Variants in PRPF38B observed in about 807,000 individuals in gnomAD.
The protein encoded by PRPF38B is pre-mRNA-splicing factor 38B.
Under a neutral mutation model 67.2 loss-of-function variants are expected in PRPF38B, and 18 were observed. That is an observed-to-expected ratio of 0.27 (90% confidence interval 0.19 to 0.40). The LOEUF is 0.40. Among genes scored for constraint, PRPF38B ranks in the 10% least tolerant of loss-of-function variants. PRPF38B has a pLI of 1.00. For synonymous variants in PRPF38B, 246 were observed against 234.2 expected (o/e 1.05, Z -0.46); for missense variants, 544 against 684.9 (o/e 0.79, Z 2.30).
At chr1:108,695,181 AT>A (rs1659750582) in intron 1 of PRPF38B, among the ~76,000 whole-genome samples, 1 of 152,270 alleles carries the variant, frequency 6.6e-6, no homozygotes, top group African/African-American at 2.4e-5. Flanking sequence ...TCTTCAAGTA[AT>A]TTTCCTTAAT....
In PRPF38B at chr1:108,699,990, A is replaced by C. The variant is rs773644832; in HGVS notation, c.1611A>C (p.Lys537Asn). ...GTATAGAACAAGAGAGCCAAGAAAA[A>C]CAGCATAAAAACAAAGATGAGACTG... ...SQSIEQESQE[K>N]QHKNKDETV Residue 537 changes from lysine to asparagine, a missense_variant, in exon 6 of 6, where the codon AAA becomes AAC. Coordinates refer to ENST00000370025, the MANE Select transcript of PRPF38B (RefSeq NM_018061.4). 7.5e-6 allele frequency: 12 copies of C among 1,591,878 alleles called. No homozygotes were observed. The African/African-American group carries it at 1.4e-4, about 18-fold the overall frequency.
At chr1:108,692,944 C>A in intron 1 of PRPF38B, 77 bp downstream of exon 1, 2 of 1,516,338 alleles carry the variant, frequency 1.3e-6, no homozygotes, top group Non-Finnish European at 1.8e-6. Flanking sequence ...AAGGCGGCCC[C>A]CGAAATCTGA....
In PRPF38B at chr1:108,701,045, A is replaced by G. The variant is rs1660440927; in HGVS notation, c.*1025A>G. The G allele has an allele frequency of 6.6e-6, 1 of 152,658 alleles. No individual in the cohort carries two copies. The highest frequency in any genetic ancestry group is 6.5e-5 in the Admixed American group (1 of 15,288). The allele number at this position is 152,658 out of a possible 1,614,324, so 9.5% of individuals were successfully genotyped here. A position where few individuals can be genotyped will look rare whatever the true frequency, so the allele number is the denominator to read the frequency against. On this transcript the variant is annotated 3_prime_UTR_variant, in exon 6 of 6. Transcript: ENST00000370025. ...CTGTTTGAGTTTTTAAACTTAATCT[A>G]GAACAGAGGAGTATTAAAAGTAATG...
Position 108,692,463 on chromosome 1 carries a change from C to T in PRPF38B, c.-129C>T, listed in dbSNP as rs1274512301. 1 of 1,126,032 alleles carries T rather than the reference C, an allele frequency of 8.9e-7. No homozygotes were observed. Among genetic ancestry groups the T allele is most frequent in the Non-Finnish European group, 1.2e-6 (1 of 818,016 alleles). 69.8% of individuals were successfully genotyped at this position (1,126,032 alleles called of 1,614,324 possible). ...GGTGCCCTCTCTTGCCCAGCTGGGG[C>T]ACAGCGAGGCGGCCCCTTCTCCCGA... On this transcript the variant is annotated 5_prime_UTR_variant, in exon 1 of 6. Transcript: ENST00000370025.
Position 108,700,193 on chromosome 1 carries a change from G to T in PRPF38B, c.*173G>T. 2.6e-6 allele frequency: 3 copies of T among 1,145,390 alleles called. No homozygotes were observed. The highest frequency in any genetic ancestry group is 2.7e-5 in the East Asian group (1 of 36,700). The allele number at this position is 1,145,390 out of a possible 1,614,324, so 71.0% of individuals were successfully genotyped here. On this transcript the variant is annotated 3_prime_UTR_variant, in exon 6 of 6. Transcript: ENST00000370025. ...CTTTGTAATTCCATTTATTGCATTG[G>T]TGTTTTCACCCAATTGTTAAGTTTG...
At chr1:108,696,883 T>C (rs1211323001) in intron 4 of PRPF38B, 1 of 630,708 alleles carries the variant, frequency 1.6e-6, no homozygotes, top group East Asian at 2.9e-5. Context: ...GTTTTCTGAC[T>C]CCTAGTACAC....
rs1223008955 is a variant in PRPF38B, at chr1:108,693,004, G to T, written c.276+137G>T. On this transcript the variant is annotated intron_variant, in intron 1 of 5. Transcript: ENST00000370025. ...TTCGGCGGAGGGGTGGCTGCGGCCT[G>T]TAGTGTGTCTGGGAGGGGTCGGACT... The T allele has an allele frequency of 3.5e-6, 4 of 1,152,022 alleles. No homozygotes were observed. The East Asian group carries it at 1.0e-4, about 29-fold the overall frequency. 71.4% of individuals were successfully genotyped at this position (1,152,022 alleles called of 1,614,324 possible). A position where few individuals can be genotyped will look rare whatever the true frequency, so the allele number is the denominator to read the frequency against.
At position 108,702,816 on chromosome 1, in the gene PRPF38B, A is replaced by ATCCTC. The variant is rs1660645253; in HGVS notation, c.*2797_*2801dup. 1.3e-5 allele frequency among the ~76,000 whole-genome samples: 2 copies of ATCCTC among 152,210 alleles called. No individual in the cohort carries two copies. The highest frequency in any genetic ancestry group is 4.8e-5 in the African/African-American group (2 of 41,448). On this transcript the variant is annotated 3_prime_UTR_variant, in exon 6 of 6. Coordinates refer to ENST00000370025, the MANE Select transcript of PRPF38B (RefSeq NM_018061.4). ...AAATTTTTAATACAGCTTAATAAGC[A>ATCCTC]TCCTCCATCCAGTTTTTGTACTTAC...
rs141158374 is a variant in PRPF38B at position 108,701,873 on chromosome 1, A to G, written c.*1853A>G. 2.2e-4 allele frequency: 34 copies of G among 152,336 alleles called. No homozygotes were observed. The highest frequency in any genetic ancestry group is 8.2e-4 in the African/African-American group (34 of 41,586). 9.4% of individuals were successfully genotyped at this position (152,336 alleles called of 1,614,324 possible). ...ATTGAGCATCAAGTGAATTAGTGCT[A>G]TAGACACCCAGAAGTTAGAAAAACC... On this transcript the variant is annotated 3_prime_UTR_variant, in exon 6 of 6. Coordinates refer to ENST00000370025, the MANE Select transcript of PRPF38B (RefSeq NM_018061.4).
At chr1:108,694,764 T>TA (rs58665405) in intron 1 of PRPF38B, among the ~76,000 whole-genome samples, 1,574 of 151,368 alleles carry the variant, frequency 0.01, 17 homozygotes, top group Non-Finnish European at 0.015. Flanking sequence ...TTTATGTTTT[T>TA]AAAAAAAAAC....
rs183758979 is a variant in PRPF38B at position 108,700,334 on chromosome 1, A to G, written c.*314A>G. The G allele has an allele frequency of 5.9e-3, 1,390 of 237,466 alleles. 8 individuals are homozygous for G. The highest frequency in any genetic ancestry group is 0.02 in the Middle Eastern group (13 of 662). 14.7% of individuals were successfully genotyped at this position (237,466 alleles called of 1,614,324 possible). Reference sequence around the variant, plus strand: ...TTGGCATGGTTGCCATGTTGGTTAAATTTGTATAAGGCAATAAACTGCCAC... The same window carrying G: ...TTGGCATGGTTGCCATGTTGGTTAAGTTTGTATAAGGCAATAAACTGCCAC... On this transcript the variant is annotated 3_prime_UTR_variant, in exon 6 of 6. Coordinates refer to ENST00000370025, the MANE Select transcript of PRPF38B (RefSeq NM_018061.4).
intron 4 of PRPF38B, chr1:108,698,248 G>A (rs1660078388): frequency 5.9e-6 from 1 of 168,940 alleles, no homozygotes; most frequent in African/African-American, 2.4e-5. Context: ...TATGGTGCAA[G>A]GTATATGATG....
At chr1:108,693,000 G>T (rs1471285579) in intron 1 of PRPF38B, 133 bp downstream of exon 1, 3 of 1,174,686 alleles carry the variant, frequency 2.6e-6, no homozygotes, top group East Asian at 5.1e-5. Context: ...GGTGGCTGCG[G>T]CCTGTAGTGT....
In PRPF38B at chr1:108,692,755, C is replaced by G; in HGVS notation, c.164C>G (p.Thr55Ser). The G allele has an allele frequency of 6.2e-7, 1 of 1,614,098 alleles. No homozygotes were observed. Among genetic ancestry groups the G allele is most frequent in the Non-Finnish European group, 8.5e-7 (1 of 1,180,042 alleles). The change falls in exon 1 of 6, where the codon ACC becomes AGC. Residue 55 changes from threonine (T) to serine (S), a missense_variant. This residue lies in a region of PRPF38B where 26 missense variants were observed against 67.7 expected (regional missense o/e 0.38). Coordinates refer to ENST00000370025, the MANE Select transcript of PRPF38B (RefSeq NM_018061.4). ...NVLPLWGNEKTMNLNPMILTN... is the reference protein window; with the variant it reads ...NVLPLWGNEKSMNLNPMILTN... ...CTCCCGCTCTGGGGCAACGAGAAGA[C>G]CATGAACCTCAACCCCATGATCCTG...
intron 1 of PRPF38B, among the ~76,000 whole-genome samples, chr1:108,694,265 G>A (rs2101033672): frequency 6.6e-6 from 1 of 152,286 alleles, no homozygotes; most frequent in Non-Finnish European, 1.5e-5. Flanking sequence ...TATTTATGCA[G>A]TAAACTTTAA....
intron 4 of PRPF38B, chr1:108,698,124 T>C (rs1660070766): frequency 6.6e-6 from 1 of 152,446 alleles, no homozygotes; most frequent in Non-Finnish European, 1.5e-5. Context: ...CACTGCTTCA[T>C]GGCAGTTGGT....
Position 108,700,305 on chromosome 1 carries a change from T to A in PRPF38B, c.*285T>A. ...ACATATGTCCTGAAAATGTTTTAAT[T>A]CCTTTGGCATGGTTGCCATGTTGGT... On this transcript the variant is annotated 3_prime_UTR_variant, in exon 6 of 6. Coordinates refer to ENST00000370025, the MANE Select transcript of PRPF38B (RefSeq NM_018061.4). 3.2e-6 allele frequency: 1 copy of A among 309,448 alleles called. No individual in the cohort carries two copies. Among genetic ancestry groups the A allele is most frequent in the Non-Finnish European group, 5.5e-6 (1 of 181,512 alleles). 19.2% of individuals were successfully genotyped at this position (309,448 alleles called of 1,614,324 possible).
intron 4 of PRPF38B, chr1:108,696,912 A>G: frequency 1.8e-6 from 1 of 541,832 alleles, no homozygotes; most frequent in Admixed American, 3.6e-5. Context: ...CCTTTAAAAA[A>G]GAAATTTTTT....
Position 108,692,790 on chromosome 1 carries a change from C to T in PRPF38B, c.199C>T (p.Leu67=), listed in dbSNP as rs759113286. 1 of 1,614,210 alleles carries T rather than the reference C, an allele frequency of 6.2e-7. No individual in the cohort carries two copies. Among genetic ancestry groups the T allele is most frequent in the Admixed American group, 1.7e-5 (1 of 60,032 alleles). Residue 67 remains leucine, a synonymous_variant, in exon 1 of 6, where the codon CTG becomes TTG. Transcript: ENST00000370025. ...NLNPMILTNI[L]SSPYFKVQLY... is the part of the protein sequence containing the mutation. Reference sequence around the variant, plus strand: ...CAACCCCATGATCCTGACCAACATCCTGTCGTCGCCTTACTTCAAAGTACA... The same window carrying T: ...CAACCCCATGATCCTGACCAACATCTTGTCGTCGCCTTACTTCAAAGTACA...
Sources: allele counts gnomAD v4.1 joint callset (sites outside exome capture counted in the v4.1 genomes callset), GRCh38; gene constraint gnomAD v4.1.1; regional missense constraint gnomAD v4.1.1; transcripts MANE v1.5; gene names NCBI Gene and HGNC (gene_info 2026-07-23, HGNC 2026-07-21).